The following GALNT13 variants were observed in gnomAD, a reference collection of about 807,000 sequenced individuals.
The protein encoded by GALNT13 is UDP-GalNAc:polypeptide N-acetylgalactosaminyltransferase 13.
A neutral mutation model predicts 64.2 loss-of-function variants in GALNT13; 28 were observed. That is an observed-to-expected ratio of 0.44 (90% CI 0.32 to 0.60). GALNT13 has a LOEUF of 0.60. Among genes scored for constraint, GALNT13 ranks in the 20% least tolerant of loss-of-function variants. The probability of loss-of-function intolerance (pLI) is 0.05; values close to 1 mark genes in which losing one functional copy is unlikely to be tolerated. For missense variants in GALNT13, 577 were observed against 669.8 expected (o/e 0.86, Z 1.53); for synonymous variants, 214 against 224.6 (o/e 0.95, Z 0.42).
chr2:153,993,756 CA>C (rs1695326227), intron 3 of GALNT13, among the ~76,000 whole-genome samples: 1 of 149,926 alleles, frequency 6.7e-6, no homozygotes, highest in Non-Finnish European at 1.5e-5. Flanking sequence ...AGATGATTTG[CA>C]AAAGGATGCC....
At chr2:154,048,845 A>T (rs1699420753) in intron 3 of GALNT13, among the ~76,000 whole-genome samples, 1 of 152,192 alleles carries the variant, frequency 6.6e-6, no homozygotes, top group Non-Finnish European at 1.5e-5. Flanking sequence ...TTAAATATTC[A>T]TGAAAGTGTG....
the GALNT13 span, among the ~76,000 whole-genome samples, chr2:153,221,084 T>C: frequency 5.1e-4 from 77 of 152,304 alleles, no homozygotes; most frequent in African/African-American, 1.8e-3. Flanking sequence ...CCAACTCCCA[T>C]GACACACATT....
the GALNT13 span, among the ~76,000 whole-genome samples, chr2:153,539,519 G>A: frequency 6.6e-6 from 1 of 151,924 alleles, no homozygotes; most frequent in Non-Finnish European, 1.5e-5. Flanking sequence ...GGTGTTTATG[G>A]TTTTAGGTCT....
intron 1 of GALNT13, among the ~76,000 whole-genome samples, chr2:153,899,715 G>T (rs1347611124): frequency 6.6e-6 from 1 of 151,926 alleles, no homozygotes; most frequent in Non-Finnish European, 1.5e-5. Flanking sequence ...GAACACAAAA[G>T]CACAACCTCT....
At chr2:153,324,150 A>G in the GALNT13 span, among the ~76,000 whole-genome samples, 1 of 151,926 alleles carries the variant, frequency 6.6e-6, no homozygotes, top group Admixed American at 6.6e-5. Context: ...CCATTTGCTT[A>G]TGTCCTCTCT....
chr2:153,256,430 G>A, the GALNT13 span, among the ~76,000 whole-genome samples: 4 of 152,144 alleles, frequency 2.6e-5, no homozygotes, highest in African/African-American at 9.7e-5. Flanking sequence ...CCGTAGCTCG[G>A]AGTAATTTGA....
intron 9 of GALNT13, among the ~76,000 whole-genome samples, chr2:154,380,582 G>A (rs1204055884): frequency 6.6e-6 from 1 of 151,822 alleles, no homozygotes; most frequent in African/African-American, 2.4e-5. Context: ...GATGAAAAAG[G>A]ACTTAATGCT....
At chr2:154,346,708 A>C (rs1363912640) in intron 9 of GALNT13, among the ~76,000 whole-genome samples, 1 of 152,100 alleles carries the variant, frequency 6.6e-6, no homozygotes, top group East Asian at 1.9e-4. Flanking sequence ...TGTCTTTATT[A>C]GCAGCATGAG....
chr2:153,216,403 T>C, the GALNT13 span, among the ~76,000 whole-genome samples: 9 of 152,178 alleles, frequency 5.9e-5, no homozygotes, highest in Admixed American at 3.3e-4. Context: ...AAAGTGGCTA[T>C]ACTATTTTAT....
chr2:154,048,495 T>C (rs1299435452), intron 3 of GALNT13, among the ~76,000 whole-genome samples: 2 of 152,198 alleles, frequency 1.3e-5, no homozygotes, highest in Non-Finnish European at 2.9e-5. Flanking sequence ...TTTTGACTGA[T>C]AGTCTTGGGA....
the GALNT13 span, among the ~76,000 whole-genome samples, chr2:153,730,853 C>T: frequency 0.22 from 33,513 of 151,868 alleles, 4,790 homozygotes; most frequent in Middle Eastern, 0.41. Context: ...TTATCTTACA[C>T]CAGTCTGAAT....
intron 4 of GALNT13, among the ~76,000 whole-genome samples, chr2:154,147,381 T>A (rs1053188984): frequency 1.4e-4 from 20 of 144,240 alleles, no homozygotes; most frequent in South Asian, 4.4e-4. Flanking sequence ...GAATGGAATT[T>A]TATATATATA....
At position 153,933,438 on chromosome 2, in the gene GALNT13, C is replaced by T. The variant is rs1690672126; in HGVS notation, c.-104-10956C>T. The stretch of plus-strand genomic sequence containing the variant: ...TGGTAGATTATTGTCCATACCTTTA[C>T]TTTGAGCCTATGGGTATCATTGCAT... On this transcript the variant is annotated intron_variant, in intron 2 of 12. Transcript: ENST00000392825. Among the ~76,000 whole-genome samples, 5 of 152,086 alleles carry T rather than the reference C, an allele frequency of 3.3e-5. No homozygotes were observed. In the South Asian group the frequency reaches 8.3e-4, roughly 25 times the overall value.
At chr2:154,292,821 T>G (rs548162666) in intron 8 of GALNT13, among the ~76,000 whole-genome samples, 3 of 151,698 alleles carry the variant, frequency 2.0e-5, no homozygotes, top group Admixed American at 1.3e-4. Context: ...TTAGAAACAA[T>G]AGTAGCACTG....
the GALNT13 span, among the ~76,000 whole-genome samples, chr2:153,103,047 C>T: frequency 3.9e-5 from 6 of 152,058 alleles, no homozygotes; most frequent in Non-Finnish European, 8.8e-5. Flanking sequence ...TTTAAACTTG[C>T]ACCTCCCTCC....
At chr2:153,145,397 A>G in the GALNT13 span, among the ~76,000 whole-genome samples, 1 of 152,144 alleles carries the variant, frequency 6.6e-6, no homozygotes, top group East Asian at 1.9e-4. Context: ...CATTTTAATC[A>G]CATTAACAAA....
chr2:153,750,537 A>G, the GALNT13 span, among the ~76,000 whole-genome samples: 1 of 150,786 alleles, frequency 6.6e-6, no homozygotes, highest in African/African-American at 2.4e-5. Flanking sequence ...ATTTTTTTTT[A>G]TGGTTCAGTC....
In GALNT13 at chr2:154,092,663, G is replaced by T. The variant is rs1701874213; in HGVS notation, c.143-47674G>T. Among the ~76,000 whole-genome samples the T allele has an allele frequency of 2.0e-5, 3 of 152,188 alleles. No individual in the cohort carries two copies. The South Asian group carries it at 6.2e-4, about 32-fold the overall frequency. ...TAACCAGGAATGTACTTAGGGGCTAGTTAACAGTATCAAGCCTAAGAGAAA... is the reference window on the plus strand; with the variant it reads ...TAACCAGGAATGTACTTAGGGGCTATTTAACAGTATCAAGCCTAAGAGAAA... On this transcript the variant is annotated intron_variant, in intron 3 of 12. Coordinates refer to ENST00000392825, the MANE Select transcript of GALNT13 (RefSeq NM_052917.4).
At chr2:153,683,492 C>A in the GALNT13 span, among the ~76,000 whole-genome samples, 7 of 151,664 alleles carry the variant, frequency 4.6e-5, no homozygotes, top group Non-Finnish European at 1.0e-4. Flanking sequence ...AACTTCATCT[C>A]AACAACTTTT....
Sources: allele counts gnomAD v4.1 joint callset (sites outside exome capture counted in the v4.1 genomes callset), GRCh38; gene constraint gnomAD v4.1.1; transcripts MANE v1.5; gene names NCBI Gene and HGNC (gene_info 2026-07-23, HGNC 2026-07-21).